PLEKHH1: variants seen among roughly 807,000 people sequenced by gnomAD.
The protein encoded by PLEKHH1 is pleckstrin homology, MyTH4 and FERM domain containing H1.
PLEKHH1 carries 104 observed loss-of-function variants against 160.0 expected under a neutral mutation model. That is an observed-to-expected ratio of 0.65 (90% CI 0.55 to 0.76). PLEKHH1 has a LOEUF of 0.76. Ranked by LOEUF, PLEKHH1 falls within the 30% of genes least tolerant of loss-of-function variation. The pLI is 0.00. For synonymous variants in PLEKHH1, 619 were observed against 678.4 expected, an observed-to-expected ratio of 0.91 and a Z score of 1.36; for missense variants, 1,427 against 1,724.1, an observed-to-expected ratio of 0.83 and a Z score of 3.05.
At position 67,562,516 on chromosome 14, in the gene PLEKHH1, T is replaced by G; in HGVS notation, c.885T>G (p.Pro295=). The G allele has an allele frequency of 1.9e-6, 3 of 1,611,094 alleles. No individual in the cohort carries two copies. The change falls in exon 7 of 29, where the codon CCT becomes CCG. Residue 295 remains proline, a synonymous_variant. Coordinates refer to ENST00000329153, the MANE Select transcript of PLEKHH1 (RefSeq NM_020715.3). ...TTACTGCTCAGAGAGGGATGCTCCC[T>G]GGGACAAAGACCTCTGCCAGGGAAG... is the stretch of plus-strand genomic sequence containing the variant. ...GLVTAQRGML[P]GTKTSAREGG... is the part of the protein sequence containing the mutation.
At chr14:67,563,813 A>C (rs2034957856) in intron 7 of PLEKHH1, among the ~76,000 whole-genome samples, 1 of 148,794 alleles carries the variant, frequency 6.7e-6, no homozygotes, top group African/African-American at 2.5e-5. Flanking sequence ...GGCTCACTGC[A>C]ACCTCCGCCT....
At chr14:67,540,648 C>G (rs1190441087) in intron 1 of PLEKHH1, among the ~76,000 whole-genome samples, 1 of 151,718 alleles carries the variant, frequency 6.6e-6, no homozygotes, top group African/African-American at 2.4e-5. Context: ...AAAATTATCA[C>G]CCTAAAAAAT....
At chr14:67,537,790 C>T (rs1368371555) in intron 1 of PLEKHH1, among the ~76,000 whole-genome samples, 1 of 152,210 alleles carries the variant, frequency 6.6e-6, no homozygotes, top group African/African-American at 2.4e-5. Context: ...TCTGGAGTCA[C>T]CTAATGACTT....
chr14:67,563,304 A>G (rs1221730510), intron 7 of PLEKHH1, among the ~76,000 whole-genome samples: 3 of 152,230 alleles, frequency 2.0e-5, no homozygotes, highest in Admixed American at 6.5e-5. Context: ...TTCCCTGTCT[A>G]TAAAATGGGG....
At chr14:67,542,075 C>G (rs3742866) in intron 2 of PLEKHH1, 82 bp downstream of exon 2, 132,000 of 1,302,220 alleles carry the variant, frequency 0.1, 6,959 homozygotes, top group Middle Eastern at 0.16. Flanking sequence ...GGGAGAGTTG[C>G]GGAAAGTCAA....
At chr14:67,538,306 T>G (rs1341289606) in intron 1 of PLEKHH1, among the ~76,000 whole-genome samples, 2 of 152,214 alleles carry the variant, frequency 1.3e-5, no homozygotes, top group Non-Finnish European at 2.9e-5. Flanking sequence ...TTGGCCCAGT[T>G]CTGCTACTCC....
In PLEKHH1 at chr14:67,562,623, A is replaced by G. The variant is rs1297108365; in HGVS notation, c.992A>G (p.His331Arg). The stretch of plus-strand genomic sequence containing the variant: ...GACAGCATCCAGTTGGCCAAAAGGC[A>G]CCACAGCCAGCCCCAGGTGGGCCAT... ...PRDSIQLAKR[H>R]HSQPQVGHGH... Residue 331 changes from histidine (H) to arginine (R), a missense_variant, in exon 7 of 29, where the codon CAC (histidine) becomes CGC (arginine). Coordinates refer to ENST00000329153, the MANE Select transcript of PLEKHH1 (RefSeq NM_020715.3). 6.2e-7 allele frequency: 1 copy of G among 1,613,048 alleles called. No individual in the cohort carries two copies. The highest frequency in any genetic ancestry group is 8.5e-7 in the Non-Finnish European group (1 of 1,179,560).
chr14:67,573,964 A>G lies in PLEKHH1; in HGVS notation c.1926+77A>G, dbSNP rs79889192. On this transcript the variant is annotated intron_variant, in intron 13 of 28. Transcript: ENST00000329153. The surrounding 1 kb of genome is among the most constrained non-coding windows in gnomAD (Gnocchi z 4.8). ...GGATATGGCCGTGAGTGAGACAAAG[A>G]TGGGGCCAAATGAGCATGAATGAAA... The G allele has an allele frequency of 0.03, 30,638 of 1,009,976 alleles. 1,366 individuals carry two copies. The highest frequency in any genetic ancestry group is 0.13 in the East Asian group (5,454 of 42,114). The allele number at this position is 1,009,976 out of a possible 1,614,324, so 62.6% of individuals were successfully genotyped here.
Position 67,588,593 on chromosome 14 carries a change from G to A in PLEKHH1, c.*1358G>A, listed in dbSNP as rs1158360454. 1 of 152,092 alleles carries A rather than the reference G, an allele frequency of 6.6e-6. No individual in the cohort carries two copies. The highest frequency in any genetic ancestry group is 2.4e-5 in the African/African-American group (1 of 41,396). The allele number at this position is 152,092 out of a possible 1,614,324, so 9.4% of individuals were successfully genotyped here. A position where few individuals can be genotyped will look rare whatever the true frequency, so the allele number is the denominator to read the frequency against. On this transcript the variant is annotated 3_prime_UTR_variant, in exon 29 of 29. Transcript: ENST00000329153. ...GAGACTAGACAGTCTCCTCTAGACAGGTTGTAGACACACCCTCCCCTAACA... is the reference window on the plus strand; with the variant it reads ...GAGACTAGACAGTCTCCTCTAGACAAGTTGTAGACACACCCTCCCCTAACA...
intron 2 of PLEKHH1, among the ~76,000 whole-genome samples, chr14:67,551,462 A>T (rs2140366952): frequency 6.6e-6 from 1 of 152,178 alleles, no homozygotes; most frequent in South Asian, 2.1e-4. Context: ...TTATTATTAT[A>T]TATATATATT....
rs145875946 is a variant in PLEKHH1 at position 67,546,110 on chromosome 14, T to C, written c.126+4117T>C. Among the ~76,000 whole-genome samples, 111 of 152,324 alleles carry C rather than the reference T, an allele frequency of 7.3e-4. 1 individual carries two copies. Among genetic ancestry groups the C allele is most frequent in the African/African-American group, 2.5e-3 (104 of 41,570 alleles). ...TGAGGGGACATGTTGAAGCCACTTA[T>C]TGCCATAAGAAAATGTAACCCAGGT... On this transcript the variant is annotated intron_variant, in intron 2 of 28. Transcript: ENST00000329153.
chr14:67,562,526 A>T lies in PLEKHH1; in HGVS notation c.895A>T (p.Thr299Ser). Residue 299 changes from threonine to serine, a missense_variant, in exon 7 of 29, where the codon ACC (threonine) becomes TCC (serine). By Grantham distance (58) the Thr-to-Ser change is moderately conservative. Coordinates refer to ENST00000329153, the MANE Select transcript of PLEKHH1 (RefSeq NM_020715.3). ...AQRGMLPGTK[T>S]SAREGGPGSS... The stretch of plus-strand genomic sequence containing the variant: ...GAGAGGGATGCTCCCTGGGACAAAG[A>T]CCTCTGCCAGGGAAGGTGGTCCTGG... 1 of 1,609,716 alleles carries T rather than the reference A, an allele frequency of 6.2e-7. No individual in the cohort carries two copies.
Position 67,562,489 on chromosome 14 carries a change from G to C in PLEKHH1, c.858G>C (p.Leu286=), listed in dbSNP as rs2034886129. The change falls in exon 7 of 29, where the codon CTG becomes CTC. Residue 286 remains leucine, a synonymous_variant. Coordinates refer to ENST00000329153, the MANE Select transcript of PLEKHH1 (RefSeq NM_020715.3). The part of the protein sequence containing the change: ...RCSSASWGEG[L]VTAQRGMLPG... The stretch of plus-strand genomic sequence containing the variant: ...GTTCAGCTTCCTGGGGTGAGGGTCT[G>C]GTTACTGCTCAGAGAGGGATGCTCC... 6.2e-7 allele frequency: 1 copy of C among 1,613,226 alleles called. No homozygotes were observed. Among genetic ancestry groups the C allele is most frequent in the South Asian group, 1.1e-5 (1 of 91,074 alleles).
chr14:67,560,400 T>C (rs2034783675), intron 5 of PLEKHH1, among the ~76,000 whole-genome samples: 1 of 152,228 alleles, frequency 6.6e-6, no homozygotes, highest in African/African-American at 2.4e-5. Flanking sequence ...AAATGTACCA[T>C]TTAAGTGTAC....
At position 67,541,963 on chromosome 14, in the gene PLEKHH1, C is replaced by T; in HGVS notation, c.96C>T (p.Ala32=). ...ETQLFRFRLQ[A]SKIRELLADK... is the part of the protein sequence containing the mutation. The stretch of plus-strand genomic sequence containing the variant: ...AGCTTTTCCGGTTCCGCCTACAGGC[C>T]AGCAAGATAAGGGAGCTGCTGGCTG... The change falls in exon 2 of 29, where the codon GCC becomes GCT. Residue 32 remains alanine, a synonymous_variant. Coordinates refer to ENST00000329153, the MANE Select transcript of PLEKHH1 (RefSeq NM_020715.3). The T allele has an allele frequency of 6.2e-7, 1 of 1,607,702 alleles. No homozygotes were observed. The highest frequency in any genetic ancestry group is 8.5e-7 in the Non-Finnish European group (1 of 1,177,356).
chr14:67,578,274 TG>T lies in PLEKHH1; in HGVS notation c.2751+76del. The T allele has an allele frequency of 7.3e-7, 1 of 1,363,160 alleles. No homozygotes were observed. The highest frequency in any genetic ancestry group is 1.0e-6 in the Non-Finnish European group (1 of 968,400). The allele number at this position is 1,363,160 out of a possible 1,614,324, so 84.4% of individuals were successfully genotyped here. A position where few individuals can be genotyped will look rare whatever the true frequency, so the allele number is the denominator to read the frequency against. On this transcript the variant is annotated intron_variant, in intron 19 of 28. Transcript: ENST00000329153. This position sits in a 1 kb window ranked among gnomAD's most constrained non-coding sequence, Gnocchi z 5.0. The stretch of plus-strand genomic sequence containing the variant: ...GCCAGGTGGGAAAGGTGGGAGGAGG[TG>T]ACTGGGCAGGTATACGGTGAGCCCA...
intron 7 of PLEKHH1, among the ~76,000 whole-genome samples, chr14:67,563,104 A>G (rs1457708211): frequency 2.0e-5 from 3 of 152,182 alleles, no homozygotes; most frequent in Non-Finnish European, 2.9e-5. Flanking sequence ...GTTGGCTGTC[A>G]TTTCCTGAGT....
chr14:67,568,593 C>T (rs1157527416), intron 7 of PLEKHH1, among the ~76,000 whole-genome samples: 1 of 151,978 alleles, frequency 6.6e-6, no homozygotes, highest in African/African-American at 2.4e-5. Flanking sequence ...TACCCTGGAA[C>T]TTAAAAAACA....
intron 5 of PLEKHH1, 143 bp from the exon 6 acceptor site, chr14:67,561,811 A>G: frequency 1.5e-6 from 1 of 654,320 alleles, no homozygotes; most frequent in Non-Finnish European, 2.6e-6. Flanking sequence ...TCAAGGCTGC[A>G]GTGAGCCAAA....
Sources: gnomAD v4.1 joint callset for allele counts (sites outside exome capture counted in the v4.1 genomes callset) on GRCh38, gnomAD v4.1.1 for gene constraint, Gnocchi (gnomAD v3.1) non-coding constraint, MANE v1.5 for transcripts, NCBI Gene and HGNC (gene_info 2026-07-23, HGNC 2026-07-21) for gene names.